HUNK: variants seen among roughly 807,000 people sequenced by gnomAD.
HUNK encodes the protein hormonally up-regulated neu tumor-associated kinase.
Under a neutral mutation model 61.0 loss-of-function variants are expected in HUNK, and 21 were observed. The observed-to-expected ratio is 0.34, with a 90% CI of 0.24 to 0.50. HUNK has a LOEUF of 0.50. Among genes scored for constraint, HUNK ranks in the 20% least tolerant of loss-of-function variants. The pLI, the probability that HUNK is intolerant of heterozygous loss-of-function variation, is 0.98. For synonymous variants in HUNK, 371 were observed against 386.1 expected (o/e 0.96, Z 0.46); for missense variants, 772 against 945.7 (o/e 0.82, Z 2.41).
At chr21:31,875,162 C>G (rs2052251005) in intron 1 of HUNK, among the ~76,000 whole-genome samples, 1 of 152,222 alleles carries the variant, frequency 6.6e-6, no homozygotes, top group Non-Finnish European at 1.5e-5. Flanking sequence ...GAGCCGAGCC[C>G]TCTGCCTTCC....
At chr21:31,996,812 C>T (rs1601415774) in intron 10 of HUNK, among the ~76,000 whole-genome samples, 1 of 152,226 alleles carries the variant, frequency 6.6e-6, no homozygotes, top group African/African-American at 2.4e-5. Context: ...GAACCTGCCT[C>T]CTGTCCTTCT....
chr21:31,908,887 A>G (rs2052526914), intron 1 of HUNK, among the ~76,000 whole-genome samples: 1 of 152,104 alleles, frequency 6.6e-6, no homozygotes, highest in Admixed American at 6.5e-5. Context: ...TTTTTTGCCA[A>G]TATATTTATC....
At chr21:31,934,076 A>G (rs1020678993) in intron 2 of HUNK, among the ~76,000 whole-genome samples, 3 of 152,154 alleles carry the variant, frequency 2.0e-5, no homozygotes, top group East Asian at 1.9e-4. Context: ...GGCTTTTCAC[A>G]TGGACCACAA....
At chr21:31,926,226 A>G (rs1321874022) in intron 2 of HUNK, among the ~76,000 whole-genome samples, 1 of 152,202 alleles carries the variant, frequency 6.6e-6, no homozygotes, top group African/African-American at 2.4e-5. Flanking sequence ...CATAGAAATC[A>G]TTTTTAATTG....
At chr21:31,965,047 C>G (rs1346783484) in intron 5 of HUNK, among the ~76,000 whole-genome samples, 1 of 152,056 alleles carries the variant, frequency 6.6e-6, no homozygotes, top group Non-Finnish European at 1.5e-5. Context: ...AATAGATGCC[C>G]CCAGTTAAGA....
intron 1 of HUNK, 121 bp downstream of exon 1, chr21:31,874,056 C>A: frequency 1.4e-6 from 1 of 719,008 alleles, no homozygotes; most frequent in Non-Finnish European, 1.9e-6. Flanking sequence ...CCTTCCCCCT[C>A]CGCCCGGCTT....
chr21:31,939,125 C>T (rs1016100053), intron 2 of HUNK, among the ~76,000 whole-genome samples: 2 of 152,216 alleles, frequency 1.3e-5, no homozygotes, highest in Middle Eastern at 3.4e-3. Context: ...CACCTCCTCC[C>T]GTCACCTCAG....
intron 6 of HUNK, among the ~76,000 whole-genome samples, chr21:31,970,320 A>G (rs2053001158): frequency 6.6e-6 from 1 of 152,186 alleles, no homozygotes; most frequent in Non-Finnish European, 1.5e-5. Flanking sequence ...CCGTGCCCAG[A>G]GAGGAGGTGG....
chr21:31,939,597 A>G (rs2052755655), intron 2 of HUNK, among the ~76,000 whole-genome samples: 1 of 151,526 alleles, frequency 6.6e-6, no homozygotes, highest in Non-Finnish European at 1.5e-5. Context: ...TAGTAGACAC[A>G]GGGTTTCTCC....
chr21:31,998,853 C>A lies in HUNK; in HGVS notation c.1814C>A (p.Ser605Tyr). 1.2e-6 allele frequency: 2 copies of A among 1,614,208 alleles called. No individual in the cohort carries two copies. Among genetic ancestry groups the A allele is most frequent in the South Asian group, 2.2e-5 (2 of 91,078 alleles). ...AGGACGCTGTCCCCGGGTCTGCCATCCGGAAGCATGTCGCCTCTCCATACT... is the reference window on the plus strand; with the variant it reads ...AGGACGCTGTCCCCGGGTCTGCCATACGGAAGCATGTCGCCTCTCCATACT... ...SERTLSPGLP[S>Y]GSMSPLHTPL... The change falls in exon 11 of 11, where the codon TCC (serine) becomes TAC (tyrosine). Residue 605 changes from serine (S) to tyrosine (Y), a missense_variant. Ser to Tyr is a moderately radical substitution (Grantham distance 144). Around this residue, in one of 2 missense-constraint regions of HUNK, gnomAD observed 413 missense variants for 444.4 expected, o/e 0.93. Transcript: ENST00000270112.
At chr21:31,943,132 T>C (rs1210606921) in intron 3 of HUNK, among the ~76,000 whole-genome samples, 2 of 152,208 alleles carry the variant, frequency 1.3e-5, no homozygotes, top group African/African-American at 4.8e-5. Flanking sequence ...GATTGCCTCT[T>C]AATAGTTTCT....
chr21:31,908,218 A>T (rs1228459044), intron 1 of HUNK, among the ~76,000 whole-genome samples: 1 of 151,896 alleles, frequency 6.6e-6, no homozygotes, highest in Non-Finnish European at 1.5e-5. Flanking sequence ...AGAAAAAAAA[A>T]GTGGAGAGGG....
rs2053257103 is a variant in HUNK, at chr21:32,003,158, A to G, written c.*3974A>G. On this transcript the variant is annotated 3_prime_UTR_variant, in exon 11 of 11. Coordinates refer to ENST00000270112, the MANE Select transcript of HUNK (RefSeq NM_014586.2). ...CAGAGGGGGATGTCAACAACAGATC[A>G]AGCCGTCATCACAACAGGTATTTCT... 6.6e-6 allele frequency: 1 copy of G among 152,280 alleles called. No homozygotes were observed. Among genetic ancestry groups the G allele is most frequent in the Non-Finnish European group, 1.5e-5 (1 of 68,084 alleles). 9.4% of individuals were successfully genotyped at this position (152,280 alleles called of 1,614,324 possible).
At chr21:31,915,374 T>C (rs2052574972) in intron 1 of HUNK, among the ~76,000 whole-genome samples, 1 of 152,184 alleles carries the variant, frequency 6.6e-6, no homozygotes, top group African/African-American at 2.4e-5. Flanking sequence ...ATAATTTCCA[T>C]ATGAAAAGAA....
Position 31,939,399 on chromosome 21 carries a change from GTTTTTTTTTTTTTTTT to G in HUNK, c.555-755_555-740del, listed in dbSNP as rs398036365. On this transcript the variant is annotated intron_variant, in intron 2 of 10. Coordinates refer to ENST00000270112, the MANE Select transcript of HUNK (RefSeq NM_014586.2). ...TCATCAATTAAGTTGGCTTTCATGT[GTTTTTTTTTTTTTTTT>G]TTTTTTTTTTGAGATGGAGTTTCGA... is the stretch of plus-strand genomic sequence containing the variant. Among the ~76,000 whole-genome samples, 26 of 66,732 alleles carry G rather than the reference GTTTTTTTTTTTTTTTT, an allele frequency of 3.9e-4. 1 individual carries two copies. The Admixed American group carries it at 4.3e-3, about 11-fold the overall frequency. 43.8% of individuals were successfully genotyped at this position (66,732 alleles called of 152,430 possible). A position where few individuals can be genotyped will look rare whatever the true frequency, so the allele number is the denominator to read the frequency against.
intron 7 of HUNK, among the ~76,000 whole-genome samples, chr21:31,977,520 A>G (rs1198276283): frequency 6.6e-6 from 1 of 152,238 alleles, no homozygotes; most frequent in Admixed American, 6.5e-5. Flanking sequence ...CTAGTTCTTC[A>G]GGTGCTGACC....
intron 2 of HUNK, among the ~76,000 whole-genome samples, chr21:31,930,221 T>C (rs2409425): frequency 0.23 from 35,284 of 152,118 alleles, 4,619 homozygotes; most frequent in African/African-American, 0.36. Flanking sequence ...TGTGCCTCTC[T>C]TTCCACAGCT....
rs1202430465 is a variant in HUNK, at chr21:31,999,277, G to A, written c.*93G>A. 3 of 1,179,208 alleles carry A rather than the reference G, an allele frequency of 2.5e-6. No individual in the cohort carries two copies. The highest frequency in any genetic ancestry group is 3.6e-6 in the Non-Finnish European group (3 of 829,200). The allele number at this position is 1,179,208 out of a possible 1,614,324, so 73.0% of individuals were successfully genotyped here. On this transcript the variant is annotated 3_prime_UTR_variant, in exon 11 of 11. Transcript: ENST00000270112. The stretch of plus-strand genomic sequence containing the variant: ...GGGTGTGAGCACTCCAAGGCCTCGC[G>A]TGGAGCATCCTTAGTCCCACCTGTA...
intron 4 of HUNK, among the ~76,000 whole-genome samples, chr21:31,956,877 G>A (rs778323915): frequency 6.6e-6 from 1 of 152,084 alleles, no homozygotes; most frequent in Non-Finnish European, 1.5e-5. Context: ...CCTCCCCTGG[G>A]GTACGTTTTC....
Sources: gnomAD v4.1 joint callset for allele counts (sites outside exome capture counted in the v4.1 genomes callset) on GRCh38, gnomAD v4.1.1 for gene constraint, gnomAD v4.1.1 regional missense constraint, MANE v1.5 for transcripts, NCBI Gene and HGNC (gene_info 2026-07-23, HGNC 2026-07-21) for gene names.